Variants in C8A observed in about 807,000 individuals in gnomAD.
C8A encodes the protein complement C8 alpha chain.
C8A carries 67 observed loss-of-function variants against 65.3 expected under a neutral mutation model. That is an observed-to-expected ratio of 1.03 (90% CI 0.84 to 1.26). The LOEUF is 1.26. C8A is among the 50% of genes most tolerant of loss of function. The pLI, the probability that C8A is intolerant of heterozygous loss-of-function variation, is 0.00. For missense variants in C8A, 781 were observed against 723.9 expected, an observed-to-expected ratio of 1.08 and a Z score of -0.90; for synonymous variants, 290 against 259.4, an observed-to-expected ratio of 1.12 and a Z score of -1.13.
At position 56,918,102 on chromosome 1, in the gene C8A, G is replaced by T. The variant is rs1467419182; in HGVS notation, c.*386G>T. The T allele has an allele frequency of 5.4e-6, 1 of 186,156 alleles. No homozygotes were observed. Among genetic ancestry groups the T allele is most frequent in the East Asian group, 1.4e-4 (1 of 6,996 alleles). 11.5% of individuals were successfully genotyped at this position (186,156 alleles called of 1,614,324 possible). On this transcript the variant is annotated 3_prime_UTR_variant, in exon 11 of 11. Coordinates refer to ENST00000361249, the MANE Select transcript of C8A (RefSeq NM_000562.3). ...AACGCCCAATAAAACAAAGTAGGAT[G>T]AAAATTCTCTTAGTTCTTTGATAAC...
intron 1 of C8A, among the ~76,000 whole-genome samples, chr1:56,857,402 T>C (rs1643987666): frequency 6.6e-6 from 1 of 152,012 alleles, no homozygotes; most frequent in Admixed American, 6.5e-5. Flanking sequence ...TCCCTGGCAA[T>C]GGTCCTTGTT....
In C8A at chr1:56,906,679, G is replaced by A. The variant is rs1382747473; in HGVS notation, c.1109G>A (p.Arg370Lys). 2 of 1,613,984 alleles carry A rather than the reference G, an allele frequency of 1.2e-6. No homozygotes were observed. The highest frequency in any genetic ancestry group is 2.7e-5 in the African/African-American group (2 of 74,920). ...CTCCCTGTTGCAGGTATTACCAGCA[G>A]AGATATCACGACATGTTTTGGAGGC... is the stretch of plus-strand genomic sequence containing the variant. Reference protein sequence around the residue: ...AKMESLGITSRDITTCFGGSL... With the variant: ...AKMESLGITSKDITTCFGGSL... The change falls in exon 8 of 11, where the codon AGA (arginine) becomes AAA (lysine). Residue 370 changes from arginine to lysine, a missense_variant. Transcript: ENST00000361249.
intron 7 of C8A, among the ~76,000 whole-genome samples, chr1:56,900,416 G>A (rs6661831): frequency 0.032 from 4,798 of 152,222 alleles, 221 homozygotes; most frequent in African/African-American, 0.11. Flanking sequence ...TATCATTCCC[G>A]TTTTAAAGAT....
chr1:56,883,951 A>G (rs943860954), intron 6 of C8A, among the ~76,000 whole-genome samples: 2 of 151,942 alleles, frequency 1.3e-5, no homozygotes, highest in African/African-American at 2.4e-5. Flanking sequence ...TGGAGCATAT[A>G]GGGAAATGTG....
Position 56,881,533 on chromosome 1 carries a change from T to C in C8A, c.553T>C (p.Trp185Arg). The C allele has an allele frequency of 6.2e-7, 1 of 1,613,730 alleles. No individual in the cohort carries two copies. The highest frequency in any genetic ancestry group is 8.5e-7 in the Non-Finnish European group (1 of 1,179,746). ...GQCETVYNGE[W>R]RELRYDSTCE... The stretch of plus-strand genomic sequence containing the variant: ...GTGTGAGACGGTATACAATGGGGAA[T>C]GGAGGGAGCTTCGATATGACTCCAC... The change falls in exon 5 of 11, where the codon TGG (tryptophan) becomes CGG (arginine). Residue 185 changes from tryptophan (W) to arginine (R), a missense_variant. Physicochemically the swap from Trp to Arg is moderately radical, Grantham distance 101. Transcript: ENST00000361249.
At chr1:56,897,657 C>A (rs1421991527) in intron 7 of C8A, among the ~76,000 whole-genome samples, 1 of 152,168 alleles carries the variant, frequency 6.6e-6, no homozygotes, top group Non-Finnish European at 1.5e-5. Flanking sequence ...CCTTAAATTA[C>A]CATCACATTT....
intron 7 of C8A, among the ~76,000 whole-genome samples, chr1:56,904,249 C>T (rs1216102570): frequency 6.6e-6 from 1 of 152,126 alleles, no homozygotes; most frequent in African/African-American, 2.4e-5. Context: ...TTGTTAGTGT[C>T]ATTTTCCCAC....
At position 56,886,043 on chromosome 1, in the gene C8A, G is replaced by C. The variant is rs1644297514; in HGVS notation, c.972G>C (p.Gln324His). The C allele has an allele frequency of 6.2e-7, 1 of 1,613,964 alleles. No individual in the cohort carries two copies. The highest frequency in any genetic ancestry group is 1.7e-5 in the Admixed American group (1 of 59,984). ...MLQSLMELPD[Q>H]YNYGMYAKFI... The stretch of plus-strand genomic sequence containing the variant: ...AGTCATTAATGGAGCTTCCAGATCA[G>C]TACAATTATGGCATGTATGCCAAGT... The change falls in exon 7 of 11, where the codon CAG becomes CAC. Residue 324 changes from glutamine to histidine, a missense_variant. Physicochemically the swap from Gln to His is conservative, Grantham distance 24. Transcript: ENST00000361249.
chr1:56,876,470 C>A lies in C8A; in HGVS notation c.464+261C>A, dbSNP rs533661085. Among the ~76,000 whole-genome samples, 10 of 151,970 alleles carry A rather than the reference C, an allele frequency of 6.6e-5. No individual in the cohort carries two copies. In the South Asian group the frequency reaches 1.5e-3, roughly 22 times the overall value. On this transcript the variant is annotated intron_variant, in intron 4 of 10. Transcript: ENST00000361249. ...CTGCTCATCTCCCTTCACCCCAGTG[C>A]CATTTCTAAGGCCCATTTAAGAAGC...
Position 56,867,234 on chromosome 1 carries a change from GTTT to G in C8A, c.78-373_78-371del, listed in dbSNP as rs1644098665. 3.3e-5 allele frequency among the ~76,000 whole-genome samples: 5 copies of G among 152,104 alleles called. No homozygotes were observed. The South Asian group carries it at 1.0e-3, about 31-fold the overall frequency. On this transcript the variant is annotated intron_variant, in intron 1 of 10. Transcript: ENST00000361249. ...CAGAGATATTAAGTAATTTACTCAAGTTTTCAAAGTCAGCAAGTGGTTAAGATT... is the reference window on the plus strand; with the variant it reads ...CAGAGATATTAAGTAATTTACTCAAGTCAAAGTCAGCAAGTGGTTAAGATT...
intron 8 of C8A, 31 bp downstream of exon 8, chr1:56,906,823 G>C: frequency 6.2e-7 from 1 of 1,613,806 alleles, no homozygotes; most frequent in African/African-American, 1.3e-5. Context: ...CTCCCAAAAA[G>C]AGAAGCCAGG....
chr1:56,857,516 A>G (rs994536333), intron 1 of C8A, among the ~76,000 whole-genome samples: 1 of 151,988 alleles, frequency 6.6e-6, no homozygotes, highest in Non-Finnish European at 1.5e-5. Flanking sequence ...TTTAACTTAT[A>G]TGACTATATT....
intron 4 of C8A, among the ~76,000 whole-genome samples, chr1:56,877,234 T>A (rs1413816536): frequency 6.6e-6 from 1 of 152,156 alleles, no homozygotes; most frequent in Non-Finnish European, 1.5e-5. Context: ...AAACTTCTGT[T>A]GTGTAGGGCA....
chr1:56,893,958 T>G (rs1408951353), intron 7 of C8A, among the ~76,000 whole-genome samples: 1 of 152,186 alleles, frequency 6.6e-6, no homozygotes, highest in East Asian at 1.9e-4. Context: ...CATAGGGTTG[T>G]TGTAACCTTG....
chr1:56,888,014 G>T lies in C8A; in HGVS notation c.1096+1847G>T, dbSNP rs574674121. Among the ~76,000 whole-genome samples, 5 of 152,224 alleles carry T rather than the reference G, an allele frequency of 3.3e-5. No individual in the cohort carries two copies. In the East Asian group the frequency reaches 7.7e-4, roughly 24 times the overall value. ...GGGGGCTAGGGGAGGGATAGCATTA[G>T]GAGAAATACCTAATGTAGATGACGG... is the stretch of plus-strand genomic sequence containing the variant. On this transcript the variant is annotated intron_variant, in intron 7 of 10. Transcript: ENST00000361249.
At chr1:56,910,659 G>A (rs934424842) in intron 9 of C8A, among the ~76,000 whole-genome samples, 1 of 152,214 alleles carries the variant, frequency 6.6e-6, no homozygotes, top group Non-Finnish European at 1.5e-5. Context: ...TCCAGTAAGT[G>A]GTTTTCTCCC....
intron 7 of C8A, among the ~76,000 whole-genome samples, chr1:56,902,851 A>T (rs1321554950): frequency 6.6e-6 from 1 of 152,158 alleles, no homozygotes; most frequent in Non-Finnish European, 1.5e-5. Flanking sequence ...GATAATGTTC[A>T]TTGAAGAAAA....
Position 56,912,602 on chromosome 1 carries a change from C to A in C8A, c.1580C>A (p.Ala527Asp), listed in dbSNP as rs1287922681. ...CQCRLGSLGA[A>D]CEQTQTEGAK... The stretch of plus-strand genomic sequence containing the variant: ...TGCCGCCTGGGTAGCTTGGGTGCTG[C>A]CTGTGAGCAAACACAGACAGAAGGT... The change falls in exon 10 of 11, where the codon GCC becomes GAC. Residue 527 changes from alanine to aspartate, a missense_variant. Transcript: ENST00000361249. 2 of 1,613,992 alleles carry A rather than the reference C, an allele frequency of 1.2e-6. No individual in the cohort carries two copies. The highest frequency in any genetic ancestry group is 1.7e-6 in the Non-Finnish European group (2 of 1,179,974).
chr1:56,870,488 T>C (rs1644134354), intron 2 of C8A, among the ~76,000 whole-genome samples: 1 of 152,080 alleles, frequency 6.6e-6, no homozygotes. Flanking sequence ...CTCTCTGCCT[T>C]CTTCTTACAA....
Sources: allele counts gnomAD v4.1 joint callset (sites outside exome capture counted in the v4.1 genomes callset), GRCh38; gene constraint gnomAD v4.1.1; transcripts MANE v1.5; gene names NCBI Gene and HGNC (gene_info 2026-07-23, HGNC 2026-07-21).